Variants in CALN1 observed in about 807,000 individuals in gnomAD.
The protein encoded by CALN1 is calneuron 1, also known as calcium-binding protein 8.
In CALN1, 17 loss-of-function variants were observed where a neutral mutation model predicts 30.6. The observed-to-expected ratio is 0.56, with a 90% confidence interval of 0.38 to 0.83. The LOEUF is 0.83. CALN1 is among the 40% of genes least tolerant of loss of function. CALN1 has a pLI of 0.00. For synonymous variants in CALN1, 156 were observed against 131.4 expected (o/e 1.19, Z -1.28); for missense variants, 291 against 354.9 (o/e 0.82, Z 1.45).
intron 1 of CALN1, among the ~76,000 whole-genome samples, chr7:72,404,448 G>A (rs1806564494): frequency 1.3e-5 from 2 of 152,234 alleles, no homozygotes; most frequent in South Asian, 2.1e-4. Context: ...ACTCTCTTGA[G>A]ATGTGAAGTT....
intron 3 of CALN1, among the ~76,000 whole-genome samples, chr7:72,277,999 C>T (rs1365722729): frequency 1.1e-5 from 1 of 89,486 alleles, no homozygotes; most frequent in Non-Finnish European, 2.1e-5. Context: ...TCAACCTAAT[C>T]CTCTATTCCG....
intron 4 of CALN1, among the ~76,000 whole-genome samples, chr7:72,040,668 G>A (rs1003016051): frequency 1.4e-4 from 21 of 152,116 alleles, no homozygotes; most frequent in Admixed American, 5.9e-4. Flanking sequence ...GCACACATGC[G>A]CAGAGAAAAT....
the CALN1 span, among the ~76,000 whole-genome samples, chr7:72,504,140 C>A: frequency 6.6e-6 from 1 of 152,170 alleles, no homozygotes; most frequent in South Asian, 2.1e-4. Context: ...GAGGCTCAGG[C>A]TGAGAATCCC....
At chr7:71,899,145 CT>C (rs35581465) in intron 5 of CALN1, among the ~76,000 whole-genome samples, 26,837 of 135,054 alleles carry the variant, frequency 0.2, 2,427 homozygotes, top group African/African-American at 0.22. Context: ...GCAGAGACAT[CT>C]TTTTTTTTTT....
At chr7:72,150,707 A>G (rs1160977033) in intron 3 of CALN1, among the ~76,000 whole-genome samples, 2 of 152,122 alleles carry the variant, frequency 1.3e-5, no homozygotes, top group East Asian at 3.9e-4. Flanking sequence ...AGCCATATAT[A>G]CTCTTGGGCA....
At chr7:72,161,867 C>T (rs911056768) in intron 3 of CALN1, among the ~76,000 whole-genome samples, 1 of 151,822 alleles carries the variant, frequency 6.6e-6, no homozygotes, top group African/African-American at 2.4e-5. Flanking sequence ...ACATGCTCAC[C>T]TACGTAACAA....
intron 5 of CALN1, among the ~76,000 whole-genome samples, chr7:71,935,670 G>A (rs1469042186): frequency 1.3e-5 from 2 of 152,124 alleles, no homozygotes; most frequent in African/African-American, 4.8e-5. Flanking sequence ...TGCGGTGAGC[G>A]GAGATCGCAC....
chr7:72,478,605 G>A, the CALN1 span, among the ~76,000 whole-genome samples: 1 of 151,504 alleles, frequency 6.6e-6, no homozygotes, highest in African/African-American at 2.4e-5. Flanking sequence ...AGGATATGAA[G>A]CCCAGAGAAG....
chr7:72,364,564 G>A (rs955482436), intron 2 of CALN1, among the ~76,000 whole-genome samples: 2 of 152,096 alleles, frequency 1.3e-5, no homozygotes, highest in African/African-American at 4.8e-5. Context: ...AAAAGTGCCT[G>A]GCAAAGTATT....
At chr7:71,898,408 G>C (rs1252329238) in intron 5 of CALN1, among the ~76,000 whole-genome samples, 1 of 152,130 alleles carries the variant, frequency 6.6e-6, no homozygotes, top group African/African-American at 2.4e-5. Context: ...GGACATGGCT[G>C]ATAAAAGGAT....
chr7:72,285,386 G>T (rs2129554500), intron 2 of CALN1, among the ~76,000 whole-genome samples: 1 of 152,240 alleles, frequency 6.6e-6, no homozygotes, highest in Non-Finnish European at 1.5e-5. Context: ...TGGGATTACA[G>T]GCGCCTGCCA....
At chr7:72,367,621 T>G (rs1159860826) in intron 2 of CALN1, among the ~76,000 whole-genome samples, 4 of 151,976 alleles carry the variant, frequency 2.6e-5, no homozygotes, top group Non-Finnish European at 5.9e-5. Flanking sequence ...CAAGACCCTG[T>G]CTCTACAAAT....
At chr7:72,002,807 C>G (rs1198907064) in intron 5 of CALN1, among the ~76,000 whole-genome samples, 1 of 152,114 alleles carries the variant, frequency 6.6e-6, no homozygotes, top group East Asian at 1.9e-4. Context: ...ATAAACCAGG[C>G]AAGCACTCCA....
chr7:71,978,262 C>CTTTTTTTTTTTTTTTTTTTT (rs1010635078), intron 5 of CALN1, among the ~76,000 whole-genome samples: 8 of 72,936 alleles, frequency 1.1e-4, no homozygotes, highest in African/African-American at 4.5e-4. Flanking sequence ...CTAGAGAATT[C>CTTTTTTTTTTTTTTTTTTTT]TTTTTTTTTT....
chr7:72,417,584 G>A (rs1217809130), intron 1 of CALN1, among the ~76,000 whole-genome samples: 2 of 152,190 alleles, frequency 1.3e-5, no homozygotes, highest in Non-Finnish European at 2.9e-5. Context: ...CATGCATTGT[G>A]TGTTTGAATG....
chr7:72,096,599 C>T lies in CALN1; in HGVS notation c.388+9552G>A, dbSNP rs550552219. 2.2e-4 allele frequency among the ~76,000 whole-genome samples: 33 copies of T among 152,224 alleles called. No individual in the cohort carries two copies. In the South Asian group the frequency reaches 3.7e-3, roughly 17 times the overall value. Reference sequence around the variant, plus strand: ...AGGAGGGCCCCTGAGCTGCCAAGAACGCTTCCTGGTTCGACTGTTTCAGGA... The same window carrying T: ...AGGAGGGCCCCTGAGCTGCCAAGAATGCTTCCTGGTTCGACTGTTTCAGGA... On this transcript the variant is annotated intron_variant, in intron 4 of 6. Coordinates refer to ENST00000395275, the MANE Select transcript of CALN1 (RefSeq NM_031468.4).
chr7:71,906,591 G>A (rs1322586264), intron 5 of CALN1, among the ~76,000 whole-genome samples: 1 of 152,110 alleles, frequency 6.6e-6, no homozygotes, highest in African/African-American at 2.4e-5. Flanking sequence ...CACCGATGGT[G>A]GTACCACTTG....
rs1349480546 is a variant in CALN1 at position 71,779,609 on chromosome 7, G to A, written c.*8166C>T. 3.9e-5 allele frequency: 6 copies of A among 152,086 alleles called. No individual in the cohort carries two copies. The highest frequency in any genetic ancestry group is 8.8e-5 in the Non-Finnish European group (6 of 68,030). The allele number at this position is 152,086 out of a possible 1,614,324, so 9.4% of individuals were successfully genotyped here. A position where few individuals can be genotyped will look rare whatever the true frequency, so the allele number is the denominator to read the frequency against. On this transcript the variant is annotated 3_prime_UTR_variant, in exon 7 of 7. Transcript: ENST00000395275. ...GTTAAAGAAAACATCTGGTAAATAT[G>A]GCAGTTTTCCTTTATACACTAAGAT...
At chr7:72,182,921 C>T (rs1254979481) in intron 3 of CALN1, among the ~76,000 whole-genome samples, 8 of 152,046 alleles carry the variant, frequency 5.3e-5, no homozygotes, top group South Asian at 2.1e-4. Context: ...AGAGGAAGGT[C>T]GAACGGGACC....
Sources: allele counts gnomAD v4.1 joint callset (sites outside exome capture counted in the v4.1 genomes callset), GRCh38; gene constraint gnomAD v4.1.1; transcripts MANE v1.5; gene names NCBI Gene and HGNC (gene_info 2026-07-23, HGNC 2026-07-21).